The following HDX variants were observed in gnomAD, a reference collection of about 807,000 sequenced individuals.
HDX encodes highly divergent homeobox.
Under a neutral mutation model 45.2 loss-of-function variants are expected in HDX, and 19 were observed. That is an observed-to-expected ratio of 0.42 (90% CI 0.29 to 0.62). The LOEUF (loss-of-function observed/expected upper bound fraction) is 0.62, where lower values mean the gene tolerates loss of function less well. HDX is among the 20% of genes least tolerant of loss of function. HDX has a pLI of 0.20. For synonymous variants in HDX, 188 were observed against 172.8 expected, an observed-to-expected ratio of 1.09 and a Z score of -0.69; for missense variants, 532 against 493.9, an observed-to-expected ratio of 1.08 and a Z score of -0.73.
chrX:84,418,671 C>T (rs1359049400), intron 5 of HDX, among the ~76,000 whole-genome samples: 3 of 111,367 alleles, frequency 2.7e-5, no homozygotes, highest in African/African-American at 9.8e-5. Flanking sequence ...GTCCAGTAAG[C>T]TTGAAAGGTA....
intron 10 of HDX, among the ~76,000 whole-genome samples, chrX:84,325,173 T>C (rs1215455784): frequency 9.0e-6 from 1 of 110,727 alleles, no homozygotes; most frequent in African/African-American, 3.3e-5. Context: ...GTTCAGCACT[T>C]CAGTAAAATA....
At chrX:84,481,142 T>TTAC (rs2040669802) in intron 2 of HDX, among the ~76,000 whole-genome samples, 1 of 111,423 alleles carries the variant, frequency 9.0e-6, no homozygotes, top group African/African-American at 3.3e-5. Context: ...AGTTCATTGT[T>TTAC]TATTATTATT....
chrX:84,373,607 C>T (rs377742024), intron 5 of HDX, among the ~76,000 whole-genome samples: 31 of 110,681 alleles, frequency 2.8e-4, no homozygotes, highest in African/African-American at 6.6e-4. Flanking sequence ...GTTTAATATA[C>T]GCAAATCAAC....
chrX:84,326,468 C>T (rs979973299), intron 9 of HDX, among the ~76,000 whole-genome samples, 168 bp from the exon 10 acceptor site: 1 of 111,440 alleles, frequency 9.0e-6, no homozygotes, highest in Non-Finnish European at 1.9e-5. Context: ...TCCTGTTAGT[C>T]ACAGGATGCC....
chrX:84,422,663 GTT>G (rs779557860), intron 5 of HDX, among the ~76,000 whole-genome samples: 1 of 64,919 alleles, frequency 1.5e-5, no homozygotes, highest in African/African-American at 5.6e-5. Context: ...GAAATAAAAG[GTT>G]TTTTTTTTTT....
chrX:84,451,561 C>T (rs758935732), intron 4 of HDX, among the ~76,000 whole-genome samples: 2 of 109,974 alleles, frequency 1.8e-5, no homozygotes, highest in East Asian at 5.7e-4. Flanking sequence ...AAGAAAAGTC[C>T]AAGACTGAAT....
chrX:84,367,238 C>T lies in HDX; in HGVS notation c.1306-5626G>A, dbSNP rs144606723. Among the ~76,000 whole-genome samples, 351 of 112,198 alleles carry T rather than the reference C, an allele frequency of 3.1e-3. 2 individuals are homozygous for T. The highest frequency in any genetic ancestry group is 0.011 in the African/African-American group (328 of 30,943). On this transcript the variant is annotated intron_variant, in intron 5 of 10. Transcript: ENST00000373177. ...GAAAGACATTTATGAGGCCAACAAA[C>T]ATATTTAAAAAAAGCTCATCATCAC...
rs34867209 is a variant in HDX, at chrX:84,469,012, G to A, written c.711C>T (p.Gly237=). ...GCCCACATAAGTTATGTAATGCTGG[G>A]CCTGTGTGTTCAGGCTTATATGACC... ...IQRSYKPEHT[G]PALHNLCGQK... Residue 237 remains glycine, a synonymous_variant, in exon 4 of 11, where the codon GGC becomes GGT. Coordinates refer to ENST00000373177, the MANE Select transcript of HDX (RefSeq NM_001177479.2). 2,967 of 1,209,508 alleles carry A rather than the reference G, an allele frequency of 2.5e-3. 59 individuals carry two copies. The African/African-American group carries it at 0.047, about 19-fold the overall frequency.
At chrX:84,369,176 T>A (rs1244840214) in intron 5 of HDX, among the ~76,000 whole-genome samples, 1 of 112,092 alleles carries the variant, frequency 8.9e-6, no homozygotes. Context: ...AATATTTGTG[T>A]TTATGTAACT....
At chrX:84,372,873 A>G (rs376956039) in intron 5 of HDX, among the ~76,000 whole-genome samples, 2 of 111,445 alleles carry the variant, frequency 1.8e-5, no homozygotes, top group East Asian at 5.6e-4. Flanking sequence ...GCAGAAAATT[A>G]TCCTGCCATC....
At chrX:84,324,653 T>A (rs1035160140) in intron 10 of HDX, among the ~76,000 whole-genome samples, 5 of 111,373 alleles carry the variant, frequency 4.5e-5, no homozygotes, top group Non-Finnish European at 9.5e-5. Flanking sequence ...TTACATTTGT[T>A]ATTGGTCTTG....
chrX:84,413,187 A>G (rs952131096), intron 5 of HDX, among the ~76,000 whole-genome samples: 1 of 111,957 alleles, frequency 8.9e-6, no homozygotes, highest in Non-Finnish European at 1.9e-5. Context: ...CCATTGCTGG[A>G]GAACTATTGA....
intron 1 of HDX, among the ~76,000 whole-genome samples, chrX:84,488,754 C>T (rs1334121373): frequency 1.8e-5 from 2 of 111,544 alleles, no homozygotes; most frequent in Non-Finnish European, 3.8e-5. Flanking sequence ...TATTCACTCT[C>T]TTGAGTTGTT....
chrX:84,498,639 G>A (rs2041058518), intron 1 of HDX, among the ~76,000 whole-genome samples: 2 of 111,796 alleles, frequency 1.8e-5, no homozygotes, highest in Non-Finnish European at 3.8e-5. Flanking sequence ...TTTAAAAGCA[G>A]AAGGAAATAA....
In HDX at chrX:84,347,094, C is replaced by A. The variant is rs765651208; in HGVS notation, c.1453-2637G>T. Among the ~76,000 whole-genome samples the A allele has an allele frequency of 8.3e-5, 7 of 83,870 alleles. No individual in the cohort carries two copies. In the East Asian group the frequency reaches 2.1e-3, roughly 25 times the overall value. 72.8% of individuals were successfully genotyped at this position (83,870 alleles called of 115,157 possible). The stretch of plus-strand genomic sequence containing the variant: ...ACCTAAGTGTTTAATTTTGGGGAAG[C>A]TAAAGTAAATGTTTTTTTTTCTGTT... On this transcript the variant is annotated intron_variant, in intron 6 of 10. Transcript: ENST00000373177.
intron 7 of HDX, among the ~76,000 whole-genome samples, chrX:84,337,154 G>A (rs975514869): frequency 9.1e-6 from 1 of 110,092 alleles, no homozygotes; most frequent in African/African-American, 3.3e-5. Context: ...GAGAAATTTA[G>A]AATCTATCTC....
Position 84,371,518 on chromosome X carries a change from G to A in HDX, c.1306-9906C>T, listed in dbSNP as rs188110631. 7.1e-5 allele frequency among the ~76,000 whole-genome samples: 8 copies of A among 111,971 alleles called. 1 individual carries two copies. The Admixed American group carries it at 7.6e-4, about 11-fold the overall frequency. The stretch of plus-strand genomic sequence containing the variant: ...TTTTTTAGAAAGAGCAGCAATAGCT[G>A]AGCATGCTTGGATTTTGCTCCAGCT... On this transcript the variant is annotated intron_variant, in intron 5 of 10. Transcript: ENST00000373177.
At chrX:84,405,515 T>C (rs2038796778) in intron 5 of HDX, among the ~76,000 whole-genome samples, 1 of 109,324 alleles carries the variant, frequency 9.1e-6, no homozygotes, top group South Asian at 3.9e-4. Context: ...TGCTTAGTTG[T>C]TGCAAATGAT....
intron 1 of HDX, among the ~76,000 whole-genome samples, chrX:84,494,698 C>T (rs781012385): frequency 9.0e-6 from 1 of 111,490 alleles, no homozygotes; most frequent in South Asian, 3.7e-4. Context: ...TAAATTTATC[C>T]CCATTGAGAA....
Sources: gnomAD v4.1 joint callset for allele counts (sites outside exome capture counted in the v4.1 genomes callset) on GRCh38, gnomAD v4.1.1 for gene constraint, MANE v1.5 for transcripts, NCBI Gene and HGNC (gene_info 2026-07-23, HGNC 2026-07-21) for gene names.